ZZZ3: variants seen among roughly 807,000 people sequenced by gnomAD.
The protein encoded by ZZZ3 is ZZ-type zinc finger-containing protein 3.
ZZZ3 carries 22 observed loss-of-function variants against 95.2 expected under a neutral mutation model. The observed-to-expected ratio is 0.23, with a 90% CI of 0.17 to 0.33. ZZZ3 has a LOEUF of 0.33. Ranked by LOEUF, ZZZ3 falls within the 10% of genes least tolerant of loss-of-function variation. The pLI is 1.00. For missense variants in ZZZ3, 885 were observed against 1,066.5 expected, an observed-to-expected ratio of 0.83 and a Z score of 2.37; for synonymous variants, 335 against 358.9, an observed-to-expected ratio of 0.93 and a Z score of 0.75.
intron 1 of ZZZ3, among the ~76,000 whole-genome samples, chr1:77,655,412 G>C (rs1670180432): frequency 6.6e-6 from 1 of 152,142 alleles, no homozygotes; most frequent in Admixed American, 6.5e-5. Context: ...CTTTGATTGG[G>C]TTTAGTCAAG....
Position 77,631,524 on chromosome 1 carries a change from T to C in ZZZ3, c.1505+326A>G, listed in dbSNP as rs527951295. ...TAGAACTATAAATCAAAGCATACTG[T>C]GGTAACTCAATGTGTTTCCATTGTA... On this transcript the variant is annotated intron_variant, in intron 5 of 14. Coordinates refer to ENST00000370801, the MANE Select transcript of ZZZ3 (RefSeq NM_015534.6). Among the ~76,000 whole-genome samples the C allele has an allele frequency of 2.6e-5, 4 of 152,300 alleles. 1 individual carries two copies. The South Asian group carries it at 8.3e-4, about 32-fold the overall frequency.
chr1:77,594,918 G>GC (rs916642632), intron 5 of ZZZ3, among the ~76,000 whole-genome samples: 9 of 115,370 alleles, frequency 7.8e-5, no homozygotes, highest in Non-Finnish European at 1.0e-4. Flanking sequence ...GCCTTGACAG[G>GC]CCCAAAAAAA....
At chr1:77,674,466 A>G (rs1477720354) in intron 1 of ZZZ3, among the ~76,000 whole-genome samples, 26 of 152,230 alleles carry the variant, frequency 1.7e-4, no homozygotes, top group Admixed American at 1.5e-3. Context: ...CCTAGGGACC[A>G]TTAATGACCG....
At chr1:77,570,713 G>T (rs1446606726) in intron 12 of ZZZ3, among the ~76,000 whole-genome samples, 1 of 150,826 alleles carries the variant, frequency 6.6e-6, no homozygotes, top group Non-Finnish European at 1.5e-5. Context: ...TGTCACCCAG[G>T]CTGGAGTGCA....
At chr1:77,642,761 A>T (rs1668901331) in intron 1 of ZZZ3, among the ~76,000 whole-genome samples, 1 of 151,914 alleles carries the variant, frequency 6.6e-6, no homozygotes, top group African/African-American at 2.4e-5. Flanking sequence ...CAAAAACAAA[A>T]TTTTTTTTAA....
chr1:77,578,047 C>T (rs1319247350), intron 11 of ZZZ3, among the ~76,000 whole-genome samples: 2 of 152,068 alleles, frequency 1.3e-5, no homozygotes, highest in African/African-American at 4.8e-5. Context: ...GGTTCCCAGA[C>T]TTAGCAGCTA....
chr1:77,661,817 G>C (rs1291547082), intron 1 of ZZZ3, among the ~76,000 whole-genome samples: 6 of 151,956 alleles, frequency 3.9e-5, no homozygotes, highest in African/African-American at 1.5e-4. Flanking sequence ...TTGCTAACAA[G>C]GAATTTTTTT....
At chr1:77,604,503 A>G (rs1665041533) in intron 5 of ZZZ3, among the ~76,000 whole-genome samples, 2 of 152,218 alleles carry the variant, frequency 1.3e-5, no homozygotes, top group Non-Finnish European at 2.9e-5. Flanking sequence ...AATCTTCGTA[A>G]ATCAAGAAAG....
At chr1:77,610,827 A>G (rs1203689312) in intron 5 of ZZZ3, among the ~76,000 whole-genome samples, 1 of 151,824 alleles carries the variant, frequency 6.6e-6, no homozygotes, top group Admixed American at 6.6e-5. Flanking sequence ...CACCCTCAAC[A>G]CAATAAAGGC....
At chr1:77,628,682 A>G (rs1667528301) in intron 5 of ZZZ3, among the ~76,000 whole-genome samples, 1 of 152,258 alleles carries the variant, frequency 6.6e-6, no homozygotes, top group Non-Finnish European at 1.5e-5. Context: ...GCTGTTGATC[A>G]CTGTTAGGTT....
intron 10 of ZZZ3, 126 bp from the exon 11 acceptor site, chr1:77,578,995 GAATTAAC>G (rs1448657558): frequency 2.3e-6 from 1 of 443,700 alleles, no homozygotes; most frequent in East Asian, 3.6e-5. Context: ...CATGAATCTA[GAATTAAC>G]AATAAACTGC....
At chr1:77,678,195 T>C (rs1672438452) in intron 1 of ZZZ3, among the ~76,000 whole-genome samples, 1 of 152,206 alleles carries the variant, frequency 6.6e-6, no homozygotes, top group Admixed American at 6.5e-5. Flanking sequence ...TTAGCAAATG[T>C]GCTAATCTTT....
At chr1:77,679,566 G>A (rs1336163550) in intron 1 of ZZZ3, among the ~76,000 whole-genome samples, 4 of 152,112 alleles carry the variant, frequency 2.6e-5, no homozygotes, top group Non-Finnish European at 4.4e-5. Flanking sequence ...TATTACAGGC[G>A]TGAGCCACCA....
intron 1 of ZZZ3, among the ~76,000 whole-genome samples, chr1:77,680,461 T>C (rs1019950789): frequency 3.3e-5 from 5 of 152,136 alleles, no homozygotes; most frequent in Non-Finnish European, 7.4e-5. Flanking sequence ...ATCATACCTC[T>C]CAACACTCAC....
intron 5 of ZZZ3, among the ~76,000 whole-genome samples, chr1:77,619,034 A>T (rs1317008332): frequency 6.6e-6 from 1 of 152,166 alleles, no homozygotes; most frequent in African/African-American, 2.4e-5. Flanking sequence ...ACAGAATAAA[A>T]ATTTCACAAT....
In ZZZ3 at chr1:77,631,856, T is replaced by C. The variant is rs771070900; in HGVS notation, c.1499A>G (p.Asn500Ser). The C allele has an allele frequency of 1.3e-6, 2 of 1,580,894 alleles. No homozygotes were observed. The highest frequency in any genetic ancestry group is 1.8e-5 in the Admixed American group (1 of 55,816). The change falls in exon 5 of 15, where the codon AAC becomes AGC. Residue 500 changes from asparagine to serine, a missense_variant. Asn to Ser is a conservative substitution (Grantham distance 46, BLOSUM62 1). Coordinates refer to ENST00000370801, the MANE Select transcript of ZZZ3 (RefSeq NM_015534.6). ...TTACCATATTTACACATACTCTTTG[T>C]TGTGTTTCAGTGCCACATGATCTGA... Reference protein sequence around the residue: ...FESDHVALKHNKDYQRLLQTI... With the variant: ...FESDHVALKHSKDYQRLLQTI...
chr1:77,675,459 G>C (rs186266803), intron 1 of ZZZ3, among the ~76,000 whole-genome samples: 2 of 152,046 alleles, frequency 1.3e-5, no homozygotes, highest in African/African-American at 2.4e-5. Context: ...TGTGGCAGCC[G>C]AATTCCAGTA....
At chr1:77,584,471 T>C (rs1011996451) in intron 6 of ZZZ3, 46 bp downstream of exon 6, 2 of 1,553,914 alleles carry the variant, frequency 1.3e-6, no homozygotes, top group Non-Finnish European at 1.7e-6. Context: ...TCTTAAGCTA[T>C]TCCCAAATAG....
At chr1:77,676,249 C>G (rs1479690280) in intron 1 of ZZZ3, among the ~76,000 whole-genome samples, 1 of 152,106 alleles carries the variant, frequency 6.6e-6, no homozygotes, top group Non-Finnish European at 1.5e-5. Flanking sequence ...TCATTGTAGC[C>G]TCAATCTTTT....
Sources: allele counts gnomAD v4.1 joint callset (sites outside exome capture counted in the v4.1 genomes callset), GRCh38; gene constraint gnomAD v4.1.1; transcripts MANE v1.5; gene names NCBI Gene and HGNC (gene_info 2026-07-23, HGNC 2026-07-21).